GRID1: variants seen among roughly 807,000 people sequenced by gnomAD.
GRID1 encodes the protein glutamate ionotropic receptor delta type subunit 1.
A neutral mutation model predicts 98.0 loss-of-function variants in GRID1; 28 were observed. The ratio of observed to expected loss-of-function variants is 0.29; its 90% confidence interval spans 0.21 to 0.39. The LOEUF (loss-of-function observed/expected upper bound fraction) is 0.39, where lower values mean the gene tolerates loss of function less well. Ranked by LOEUF, GRID1 falls within the 10% of genes least tolerant of loss-of-function variation. The pLI is 1.00. For synonymous variants in GRID1, 553 were observed against 538.5 expected (o/e 1.03, Z -0.37); for missense variants, 1,111 against 1,340.5 (o/e 0.83, Z 2.67).
intron 12 of GRID1, among the ~76,000 whole-genome samples, chr10:85,698,897 G>A (rs115136901): frequency 6.0e-4 from 92 of 152,260 alleles, no homozygotes; most frequent in African/African-American, 2.2e-3. Flanking sequence ...CCCTAATGAC[G>A]TGATGTTGAG....
chr10:85,990,770 C>A (rs2131867815), intron 4 of GRID1, among the ~76,000 whole-genome samples: 1 of 152,188 alleles, frequency 6.6e-6, no homozygotes, highest in African/African-American at 2.4e-5. Context: ...GAATGGAACA[C>A]CTTTGAGAAG....
chr10:86,216,099 T>C (rs1429872203), intron 2 of GRID1, among the ~76,000 whole-genome samples: 1 of 152,256 alleles, frequency 6.6e-6, no homozygotes, highest in Admixed American at 6.5e-5. Flanking sequence ...CAAATGCCTC[T>C]TGCTCTTTGG....
intron 8 of GRID1, among the ~76,000 whole-genome samples, chr10:85,821,948 A>T (rs1194338420): frequency 6.6e-6 from 1 of 152,202 alleles, no homozygotes; most frequent in African/African-American, 2.4e-5. Flanking sequence ...AGGATTCCCT[A>T]TTTAATAAAT....
intron 13 of GRID1, among the ~76,000 whole-genome samples, chr10:85,639,549 T>G (rs1358226736): frequency 6.6e-6 from 1 of 152,226 alleles, no homozygotes. Flanking sequence ...TGTATTTCAA[T>G]TACACTTCAT....
At chr10:86,004,335 GAGCTTCC>G (rs1243222351) in intron 4 of GRID1, among the ~76,000 whole-genome samples, 6 of 152,220 alleles carry the variant, frequency 3.9e-5, no homozygotes, top group Non-Finnish European at 5.9e-5. Flanking sequence ...CTGCCAAAAA[GAGCTTCC>G]CAAAGTCCCT....
intron 8 of GRID1, among the ~76,000 whole-genome samples, chr10:85,803,058 G>A (rs1842591933): frequency 6.6e-6 from 1 of 152,090 alleles, no homozygotes; most frequent in Non-Finnish European, 1.5e-5. Context: ...TTGCCAGAAG[G>A]GTGGTTACCA....
chr10:86,320,277 G>A (rs2132094519), intron 2 of GRID1, among the ~76,000 whole-genome samples: 1 of 152,318 alleles, frequency 6.6e-6, no homozygotes, highest in Non-Finnish European at 1.5e-5. Flanking sequence ...GGACACCCAG[G>A]CCACCTCCTG....
chr10:86,257,083 C>T (rs1870154), intron 2 of GRID1, among the ~76,000 whole-genome samples: 6,047 of 152,274 alleles, frequency 0.04, 237 homozygotes, highest in Admixed American at 0.11. Flanking sequence ...TGTTCAGTGC[C>T]CCTTTGGAAT....
At chr10:85,699,250 G>A (rs1216748695) in intron 12 of GRID1, among the ~76,000 whole-genome samples, 1 of 151,866 alleles carries the variant, frequency 6.6e-6, no homozygotes, top group Non-Finnish European at 1.5e-5. Flanking sequence ...ATGGGGTTTT[G>A]CAATGTTGGC....
chr10:86,187,136 G>C (rs957232058), intron 3 of GRID1, among the ~76,000 whole-genome samples: 1 of 152,190 alleles, frequency 6.6e-6, no homozygotes, highest in Non-Finnish European at 1.5e-5. Flanking sequence ...TGGTCATTGG[G>C]GGCGGGGCGG....
intron 15 of GRID1, among the ~76,000 whole-genome samples, chr10:85,605,237 A>G (rs1842643441): frequency 6.6e-6 from 1 of 152,234 alleles, no homozygotes; most frequent in Non-Finnish European, 1.5e-5. Context: ...TCAGTGCTAC[A>G]ATCGTTTTGG....
chr10:86,333,666 T>C (rs1332116250), intron 2 of GRID1, among the ~76,000 whole-genome samples: 3 of 152,226 alleles, frequency 2.0e-5, no homozygotes, highest in African/African-American at 7.2e-5. Flanking sequence ...AAACAGTCTA[T>C]TAACACATAT....
intron 2 of GRID1, among the ~76,000 whole-genome samples, chr10:86,242,685 G>A (rs575131014): frequency 6.6e-6 from 1 of 152,118 alleles, no homozygotes; most frequent in South Asian, 2.1e-4. Context: ...AGGCCACCTC[G>A]TCCAAAAGGG....
intron 8 of GRID1, among the ~76,000 whole-genome samples, chr10:85,784,964 G>A (rs1842413258): frequency 2.0e-5 from 3 of 152,230 alleles, no homozygotes; most frequent in South Asian, 4.2e-4. Flanking sequence ...TCAATGAGAT[G>A]TGACAGGTGA....
intron 2 of GRID1, among the ~76,000 whole-genome samples, chr10:86,263,706 T>C (rs911193818): frequency 2.0e-5 from 3 of 152,328 alleles, no homozygotes; most frequent in Non-Finnish European, 2.9e-5. Flanking sequence ...TATAAAGTGC[T>C]TAGAACAGTG....
intron 4 of GRID1, among the ~76,000 whole-genome samples, chr10:86,087,984 A>T (rs1358512162): frequency 6.6e-6 from 1 of 152,252 alleles, no homozygotes; most frequent in Non-Finnish European, 1.5e-5. Flanking sequence ...AACTGTCTGC[A>T]GAGCTCCCAA....
At chr10:86,086,548 T>C (rs1844059745) in intron 4 of GRID1, among the ~76,000 whole-genome samples, 1 of 152,184 alleles carries the variant, frequency 6.6e-6, no homozygotes, top group East Asian at 1.9e-4. Flanking sequence ...GCCACACCTG[T>C]CTGAGGGTTC....
chr10:86,258,200 T>C (rs1405403171), intron 2 of GRID1, among the ~76,000 whole-genome samples: 2 of 152,208 alleles, frequency 1.3e-5, no homozygotes, highest in East Asian at 3.9e-4. Flanking sequence ...GACTCACATA[T>C]AGAGCATAAG....
At chr10:86,012,199 C>T (rs997427526) in intron 4 of GRID1, among the ~76,000 whole-genome samples, 1 of 152,186 alleles carries the variant, frequency 6.6e-6, no homozygotes, top group South Asian at 2.1e-4. Flanking sequence ...CCACTCCCTT[C>T]GGCAAGTGTT....
Sources: gnomAD v4.1 joint callset for allele counts (sites outside exome capture counted in the v4.1 genomes callset) on GRCh38, gnomAD v4.1.1 for gene constraint, MANE v1.5 for transcripts, NCBI Gene and HGNC (gene_info 2026-07-23, HGNC 2026-07-21) for gene names.